Variants in GRID2 observed in about 807,000 individuals in gnomAD.
GRID2 encodes glutamate ionotropic receptor delta type subunit 2.
Under a neutral mutation model 114.8 loss-of-function variants are expected in GRID2, and 33 were observed. The ratio of observed to expected loss-of-function variants is 0.29; its 90% CI spans 0.22 to 0.38. GRID2 has a LOEUF of 0.38. Among genes scored for constraint, GRID2 ranks in the 10% least tolerant of loss-of-function variants. The pLI is 1.00. For missense variants in GRID2, 1,184 were observed against 1,257.7 expected (o/e 0.94, Z 0.89); for synonymous variants, 505 against 449.9 (o/e 1.12, Z -1.55).
chr4:92,409,623 A>T (rs1403229115), intron 1 of GRID2, among the ~76,000 whole-genome samples: 1 of 152,194 alleles, frequency 6.6e-6, no homozygotes, highest in Non-Finnish European at 1.5e-5. Flanking sequence ...GTATGACCGA[A>T]CATACAATAA....
At position 92,978,851 on chromosome 4, in the gene GRID2, A is replaced by T. The variant is rs553531725; in HGVS notation, c.245-106144A>T. 5.3e-5 allele frequency among the ~76,000 whole-genome samples: 8 copies of T among 151,994 alleles called. No individual in the cohort carries two copies. The South Asian group carries it at 1.7e-3, about 32-fold the overall frequency. ...ACCAGTTGGGCTGCAACATAGTGAG[A>T]CCCTGTCTCTACAAATAAAAAATTA... On this transcript the variant is annotated intron_variant, in intron 2 of 15. Transcript: ENST00000282020.
intron 14 of GRID2, among the ~76,000 whole-genome samples, chr4:93,737,087 ATGGAAC>A (rs1273407337): frequency 2.0e-5 from 3 of 152,054 alleles, no homozygotes; most frequent in Non-Finnish European, 4.4e-5. Flanking sequence ...TAGTTGTAAA[ATGGAAC>A]TAATAATGTA....
At chr4:92,696,596 C>T (rs1372717733) in intron 2 of GRID2, among the ~76,000 whole-genome samples, 1 of 152,066 alleles carries the variant, frequency 6.6e-6, no homozygotes, top group East Asian at 1.9e-4. Flanking sequence ...GCTAAAGTCA[C>T]CCAAATTTGA....
chr4:93,484,518 G>T (rs1340388001), intron 11 of GRID2, among the ~76,000 whole-genome samples: 1 of 151,890 alleles, frequency 6.6e-6, no homozygotes, highest in African/African-American at 2.4e-5. Context: ...AGCCATTCAG[G>T]AATTGAGGAG....
At chr4:92,829,663 C>T (rs1374870809) in intron 2 of GRID2, among the ~76,000 whole-genome samples, 1 of 152,022 alleles carries the variant, frequency 6.6e-6, no homozygotes, top group Non-Finnish European at 1.5e-5. Flanking sequence ...TTTACAATTG[C>T]AAAGACTTGG....
At chr4:93,795,874 A>C (rs1734789931) in intron 1 of GRID2, among the ~76,000 whole-genome samples, 1 of 152,206 alleles carries the variant, frequency 6.6e-6, no homozygotes, top group Non-Finnish European at 1.5e-5. Flanking sequence ...TAGTTGGGGA[A>C]AGCATTGAGG....
At chr4:92,443,263 A>C (rs963305632) in intron 1 of GRID2, among the ~76,000 whole-genome samples, 2 of 152,230 alleles carry the variant, frequency 1.3e-5, no homozygotes, top group Non-Finnish European at 2.9e-5. Context: ...GGAAAAATTC[A>C]AAGTGCCATT....
In GRID2 at chr4:92,304,519, C is replaced by T. The variant is rs909232352; in HGVS notation, c.-138C>T. On this transcript the variant is annotated 5_prime_UTR_variant, in exon 1 of 16. Transcript: ENST00000282020. ...TGCCTTTCTCGGCGACGATAAAAGG[C>T]TTTGCTCTGGCAATAGGAATTTAGA... 1 of 670,816 alleles carries T rather than the reference C, an allele frequency of 1.5e-6. No individual in the cohort carries two copies. Among genetic ancestry groups the T allele is most frequent in the Non-Finnish European group, 2.7e-6 (1 of 376,952 alleles). 41.6% of individuals were successfully genotyped at this position (670,816 alleles called of 1,614,324 possible).
intron 2 of GRID2, among the ~76,000 whole-genome samples, chr4:93,032,017 G>A (rs770539713): frequency 3.4e-4 from 51 of 152,080 alleles, no homozygotes; most frequent in Admixed American, 9.2e-4. Context: ...AAATTTCAAG[G>A]GCACCAGCAA....
chr4:92,896,599 G>A (rs1015264492), intron 2 of GRID2, among the ~76,000 whole-genome samples: 3 of 150,932 alleles, frequency 2.0e-5, no homozygotes, highest in African/African-American at 4.9e-5. Context: ...TGATGTAGTC[G>A]AGAACACACC....
At chr4:93,310,450 G>T (rs1011870661) in intron 8 of GRID2, among the ~76,000 whole-genome samples, 14 of 152,132 alleles carry the variant, frequency 9.2e-5, no homozygotes, top group Non-Finnish European at 1.8e-4. Flanking sequence ...AGAATCGCTT[G>T]AACCCGGGAG....
At chr4:93,775,780 T>C (rs746438380), downstream of GRID2, among the ~76,000 whole-genome samples, 3 of 152,200 alleles carry the variant, frequency 2.0e-5, no homozygotes, top group Non-Finnish European at 2.9e-5. Context: ...CATACATACT[T>C]AAAGTTGTAA....
At chr4:92,995,353 A>T (rs1755137608) in intron 2 of GRID2, among the ~76,000 whole-genome samples, 1 of 152,160 alleles carries the variant, frequency 6.6e-6, no homozygotes, top group Admixed American at 6.5e-5. Context: ...GTGAGGAGGG[A>T]GAAAACTCAA....
intron 3 of GRID2, among the ~76,000 whole-genome samples, chr4:93,101,508 G>C (rs1000811429): frequency 3.3e-5 from 5 of 152,006 alleles, no homozygotes; most frequent in African/African-American, 9.7e-5. Context: ...TATCTGCTTA[G>C]ATGCTGACCA....
intron 13 of GRID2, among the ~76,000 whole-genome samples, chr4:93,592,745 A>G (rs1738528659): frequency 1.3e-5 from 2 of 152,146 alleles, no homozygotes; most frequent in African/African-American, 4.8e-5. Context: ...GTGCTCATGT[A>G]TTGGGTGCAT....
chr4:93,062,784 T>G (rs1313651824), intron 2 of GRID2, among the ~76,000 whole-genome samples: 1 of 152,008 alleles, frequency 6.6e-6, no homozygotes, highest in Non-Finnish European at 1.5e-5. Context: ...TCTATAAAAG[T>G]ATTTTCTGTA....
intron 2 of GRID2, among the ~76,000 whole-genome samples, chr4:92,953,370 A>G (rs1186660829): frequency 6.6e-6 from 1 of 152,178 alleles, no homozygotes; most frequent in African/African-American, 2.4e-5. Context: ...TATGCATATA[A>G]TGTATCTTTA....
intron 1 of GRID2, among the ~76,000 whole-genome samples, chr4:92,439,446 A>G (rs977298306): frequency 6.6e-6 from 1 of 151,980 alleles, no homozygotes; most frequent in African/African-American, 2.4e-5. Flanking sequence ...AAACAAAATA[A>G]TGTTAAAGTG....
At chr4:93,251,947 T>G (rs929302739) in intron 8 of GRID2, among the ~76,000 whole-genome samples, 1 of 152,130 alleles carries the variant, frequency 6.6e-6, no homozygotes, top group Non-Finnish European at 1.5e-5. Flanking sequence ...TGAACACAAG[T>G]GTGCATGTCT....
Sources: allele counts gnomAD v4.1 joint callset (sites outside exome capture counted in the v4.1 genomes callset), GRCh38; gene constraint gnomAD v4.1.1; transcripts MANE v1.5; gene names NCBI Gene and HGNC (gene_info 2026-07-23, HGNC 2026-07-21).